The following CBLB variants were observed in gnomAD, a reference collection of about 807,000 sequenced individuals.
The protein encoded by CBLB is Cbl proto-oncogene B.
A neutral mutation model predicts 104.9 loss-of-function variants in CBLB; 31 were observed. The observed-to-expected ratio is 0.30, with a 90% CI of 0.22 to 0.40. CBLB has a LOEUF of 0.40. Among genes scored for constraint, CBLB ranks in the 10% least tolerant of loss-of-function variants. The probability of loss-of-function intolerance (pLI) is 1.00; values close to 1 mark genes in which losing one functional copy is unlikely to be tolerated. For synonymous variants in CBLB, 440 were observed against 422.6 expected (o/e 1.04, Z -0.51); for missense variants, 1,062 against 1,214.6 (o/e 0.87, Z 1.87).
At chr3:105,785,494 G>A (rs1279393229) in intron 3 of CBLB, among the ~76,000 whole-genome samples, 2 of 152,036 alleles carry the variant, frequency 1.3e-5, no homozygotes, top group African/African-American at 4.8e-5. Flanking sequence ...TATCCCTCAT[G>A]TGCAGTTTCC....
In CBLB at chr3:105,657,183, T is replaced by G. The variant is rs2152654228; in HGVS notation, c.*1787A>C. On this transcript the variant is annotated 3_prime_UTR_variant, in exon 19 of 19. Transcript: ENST00000394030. ...TCACTTTGCAAAGGAATGTATTAAC[T>G]CCTCTCCCAGGGTCAACTTAGTCTA... is the stretch of plus-strand genomic sequence containing the variant. 4.5e-6 allele frequency: 1 copy of G among 223,296 alleles called. No individual in the cohort carries two copies. The highest frequency in any genetic ancestry group is 1.8e-4 in the South Asian group (1 of 5,464). The allele number at this position is 223,296 out of a possible 1,614,324, so 13.8% of individuals were successfully genotyped here. A position where few individuals can be genotyped will look rare whatever the true frequency, so the allele number is the denominator to read the frequency against.
intron 3 of CBLB, among the ~76,000 whole-genome samples, chr3:105,847,212 G>A (rs1020817095): frequency 9.2e-5 from 14 of 151,944 alleles, no homozygotes; most frequent in Non-Finnish European, 1.9e-4. Context: ...GTCCTTTAAG[G>A]GGAAAGGCAC....
chr3:105,780,236 T>G (rs1055537355), intron 3 of CBLB, among the ~76,000 whole-genome samples: 2 of 151,988 alleles, frequency 1.3e-5, no homozygotes, highest in African/African-American at 2.4e-5. Context: ...CATCTAGACA[T>G]AGGGAGAAGA....
At chr3:105,685,231 T>G in intron 14 of CBLB, 89 bp downstream of exon 14, 2 of 1,128,442 alleles carry the variant, frequency 1.8e-6, no homozygotes, top group Non-Finnish European at 2.7e-6. Context: ...GGATTTTTAA[T>G]TAGACGTGAA....
intron 3 of CBLB, among the ~76,000 whole-genome samples, chr3:105,780,655 T>G (rs1332213822): frequency 1.1e-5 from 1 of 94,506 alleles, no homozygotes; most frequent in African/African-American, 3.9e-5. Flanking sequence ...AAAGTTTTGT[T>G]TTTTGTTTTT....
At position 105,815,735 on chromosome 3, in the gene CBLB, G is replaced by A. The variant is rs928159242; in HGVS notation, c.419+37679C>T. 3.3e-5 allele frequency among the ~76,000 whole-genome samples: 5 copies of A among 152,208 alleles called. No homozygotes were observed. In the East Asian group the frequency reaches 9.6e-4, roughly 29 times the overall value. ...GGATTATAAATCATTCTACTATAAA[G>A]ACACATGCACACATGTTTATTGCAG... On this transcript the variant is annotated intron_variant, in intron 3 of 18. Transcript: ENST00000394030.
intron 6 of CBLB, among the ~76,000 whole-genome samples, chr3:105,741,665 G>A (rs947836984): frequency 6.6e-6 from 1 of 152,134 alleles, no homozygotes; most frequent in African/African-American, 2.4e-5. Flanking sequence ...AAAGTGCTGG[G>A]ATTACAGGCA....
In CBLB at chr3:105,685,341, T is replaced by A. The variant is rs754574674; in HGVS notation, c.2180A>T (p.His727Leu). 8.7e-6 allele frequency: 14 copies of A among 1,613,940 alleles called. No individual in the cohort carries two copies. ...TTACCGAACAGGAGGTTTTACATTA[T>A]GACAATGAGATGGTTGTGAATTCAG... ...VSLNSQPSHC[H>L]NVKPPVRSCD... The change falls in exon 14 of 19, where the codon CAT becomes CTT. Residue 727 changes from histidine (H) to leucine (L), a missense_variant. Physicochemically the swap from His to Leu is moderately conservative, Grantham distance 99. Transcript: ENST00000394030.
At chr3:105,707,103 G>A (rs2070270759) in intron 10 of CBLB, among the ~76,000 whole-genome samples, 1 of 152,160 alleles carries the variant, frequency 6.6e-6, no homozygotes, top group Admixed American at 6.5e-5. Flanking sequence ...GAGCCTGTTG[G>A]ATACTGAAAG....
At chr3:105,812,379 T>A (rs1428073616) in intron 3 of CBLB, among the ~76,000 whole-genome samples, 1 of 152,042 alleles carries the variant, frequency 6.6e-6, no homozygotes, top group Non-Finnish European at 1.5e-5. Flanking sequence ...TAAACTCAGA[T>A]CAGTGGGATA....
chr3:105,862,853 A>C (rs1035741688), intron 2 of CBLB, among the ~76,000 whole-genome samples: 1 of 152,054 alleles, frequency 6.6e-6, no homozygotes, highest in Admixed American at 6.6e-5. Flanking sequence ...GCTGGCCAGC[A>C]CCTCCTCCAT....
In CBLB at chr3:105,659,102, G is replaced by C. The variant is rs1384741368; in HGVS notation, c.2817C>G (p.Leu939=). The change falls in exon 19 of 19, where the codon CTC becomes CTG. Residue 939 remains leucine (L), a synonymous_variant. Coordinates refer to ENST00000394030, the MANE Select transcript of CBLB (RefSeq NM_170662.5). ...CTTCAAAGGCATAACCCTCTCCCAT[G>C]AGTTTTGCAATTTTTGCATCGACAT... ...LENVDAKIAK[L]MGEGYAFEEV... is the part of the protein sequence containing the mutation. 1.3e-5 allele frequency: 21 copies of C among 1,613,962 alleles called. No individual in the cohort carries two copies. The highest frequency in any genetic ancestry group is 1.8e-5 in the Non-Finnish European group (21 of 1,179,930).
intron 3 of CBLB, among the ~76,000 whole-genome samples, chr3:105,778,137 GTA>G (rs1166784015): frequency 2.6e-5 from 4 of 152,170 alleles, no homozygotes; most frequent in African/African-American, 9.6e-5. Flanking sequence ...GCATGTGTGT[GTA>G]TGTGTGTGTG....
At chr3:105,672,856 A>ACC (rs2065211597) in intron 17 of CBLB, 1 of 152,142 alleles carries the variant, frequency 6.6e-6, no homozygotes, top group Non-Finnish European at 1.5e-5. Context: ...CATCAATAAA[A>ACC]ATTATATTGT....
intron 13 of CBLB, among the ~76,000 whole-genome samples, chr3:105,687,684 GT>G (rs1220694954): frequency 6.6e-6 from 1 of 151,760 alleles, no homozygotes; most frequent in African/African-American, 2.4e-5. Context: ...TTCTGCTTAT[GT>G]TTTTTAATGA....
intron 16 of CBLB, among the ~76,000 whole-genome samples, chr3:105,680,660 G>C (rs1485743258): frequency 1.3e-5 from 2 of 152,210 alleles, no homozygotes; most frequent in African/African-American, 2.4e-5. Flanking sequence ...ATACTAGTCA[G>C]TGGTACTTGT....
chr3:105,759,591 A>AG (rs1347767308), intron 4 of CBLB, among the ~76,000 whole-genome samples: 1 of 152,128 alleles, frequency 6.6e-6, no homozygotes, highest in African/African-American at 2.4e-5. Context: ...ATGCGGTGGC[A>AG]GGGGGCTGGC....
At chr3:105,723,316 A>G (rs2073147262) in intron 9 of CBLB, among the ~76,000 whole-genome samples, 1 of 152,180 alleles carries the variant, frequency 6.6e-6, no homozygotes, top group African/African-American at 2.4e-5. Context: ...AGACCAATAA[A>G]TAACTCATTT....
rs1559786727 is a variant in CBLB at position 105,678,549 on chromosome 3, G to A, written c.2451C>T (p.Leu817=). Residue 817 remains leucine, a synonymous_variant, in exon 17 of 19, where the codon CTC becomes CTT. Transcript: ENST00000394030. ...GTGGGGGAGGTGGGAGAGATGGAGG[G>A]AGGGCATCAAAAGCATCTTCACCTG... ...PPLGEDAFDA[L]PPSLPPPPPP... is the part of the protein sequence containing the mutation. 1 of 1,613,664 alleles carries A rather than the reference G, an allele frequency of 6.2e-7. No individual in the cohort carries two copies. The highest frequency in any genetic ancestry group is 2.2e-5 in the East Asian group (1 of 44,818).
Sources: allele counts gnomAD v4.1 joint callset (sites outside exome capture counted in the v4.1 genomes callset), GRCh38; gene constraint gnomAD v4.1.1; transcripts MANE v1.5; gene names NCBI Gene and HGNC (gene_info 2026-07-23, HGNC 2026-07-21).